Variants in INPP4B observed in about 807,000 individuals in gnomAD.
INPP4B encodes the protein inositol polyphosphate 4-phosphatase type II.
A neutral mutation model predicts 122.5 loss-of-function variants in INPP4B; 55 were observed. The observed-to-expected ratio is 0.45, with a 90% CI of 0.36 to 0.56. The LOEUF is 0.56. Ranked by LOEUF, INPP4B falls within the 20% of genes least tolerant of loss-of-function variation. The probability of loss-of-function intolerance (pLI) is 0.00; values close to 1 mark genes in which losing one functional copy is unlikely to be tolerated. For synonymous variants in INPP4B, 403 were observed against 388.7 expected (o/e 1.04, Z -0.43); for missense variants, 1,000 against 1,097.7 (o/e 0.91, Z 1.26).
chr4:142,616,554 C>G (rs1203074571), intron 2 of INPP4B, among the ~76,000 whole-genome samples: 1 of 152,122 alleles, frequency 6.6e-6, no homozygotes, highest in South Asian at 2.1e-4. Flanking sequence ...CCCAACACTT[C>G]TAAATTTTAG....
chr4:142,584,801 G>A (rs1414141512), intron 2 of INPP4B, among the ~76,000 whole-genome samples: 1 of 152,056 alleles, frequency 6.6e-6, no homozygotes, highest in African/African-American at 2.4e-5. Flanking sequence ...TTAAGAGTGG[G>A]AGTTATGTTC....
intron 2 of INPP4B, among the ~76,000 whole-genome samples, chr4:142,585,314 A>C (rs1174683213): frequency 6.6e-6 from 1 of 152,108 alleles, no homozygotes; most frequent in African/African-American, 2.4e-5. Flanking sequence ...TTGGCTGTCA[A>C]ATGCTCACTT....
intron 9 of INPP4B, among the ~76,000 whole-genome samples, chr4:142,299,213 T>C (rs1019279840): frequency 6.6e-6 from 1 of 150,416 alleles, no homozygotes; most frequent in African/African-American, 2.5e-5. Context: ...GGCTGGAGTA[T>C]AGTAGTACGA....
At chr4:142,811,837 C>A (rs1779553086) in intron 1 of INPP4B, among the ~76,000 whole-genome samples, 1 of 152,086 alleles carries the variant, frequency 6.6e-6, no homozygotes, top group Non-Finnish European at 1.5e-5. Context: ...TGTTTGCTTA[C>A]CAATATATCC....
chr4:142,781,953 C>T (rs1174704337), intron 1 of INPP4B, among the ~76,000 whole-genome samples: 3 of 151,372 alleles, frequency 2.0e-5, no homozygotes, highest in South Asian at 2.1e-4. Context: ...TTTTGTCTTG[C>T]TAACCTTTTA....
chr4:142,099,882 C>T (rs1783717414), intron 23 of INPP4B, among the ~76,000 whole-genome samples: 1 of 152,110 alleles, frequency 6.6e-6, no homozygotes, highest in Non-Finnish European at 1.5e-5. Context: ...GTCCAGAGTA[C>T]AATGCAGTGC....
chr4:142,511,787 T>C (rs1484907725), intron 2 of INPP4B, among the ~76,000 whole-genome samples: 3 of 152,280 alleles, frequency 2.0e-5, no homozygotes, highest in Admixed American at 6.5e-5. Flanking sequence ...ATTACCACTA[T>C]AGGATAGAGT....
chr4:142,206,141 C>A (rs771115918), intron 14 of INPP4B, among the ~76,000 whole-genome samples: 2 of 152,082 alleles, frequency 1.3e-5, no homozygotes, highest in Non-Finnish European at 2.9e-5. Context: ...GGCAAAAGAG[C>A]TAAAGAGGGT....
At chr4:142,135,107 T>C (rs963816037) in intron 18 of INPP4B, among the ~76,000 whole-genome samples, 1 of 152,214 alleles carries the variant, frequency 6.6e-6, no homozygotes, top group African/African-American at 2.4e-5. Context: ...TATTCACTTA[T>C]TAATATCAAG....
intron 1 of INPP4B, among the ~76,000 whole-genome samples, chr4:142,764,089 CAA>C (rs1400273519): frequency 6.6e-6 from 1 of 151,942 alleles, no homozygotes; most frequent in Non-Finnish European, 1.5e-5. Context: ...TTCTTTTCTC[CAA>C]AAAGTTTCAT....
At chr4:142,266,804 G>A (rs929141782) in intron 10 of INPP4B, among the ~76,000 whole-genome samples, 2 of 151,914 alleles carry the variant, frequency 1.3e-5, no homozygotes, top group African/African-American at 2.4e-5. Flanking sequence ...GATCTTTTAT[G>A]TAGAAAACCC....
At chr4:142,263,398 T>A (rs1460523469) in intron 10 of INPP4B, among the ~76,000 whole-genome samples, 1 of 152,040 alleles carries the variant, frequency 6.6e-6, no homozygotes, top group Non-Finnish European at 1.5e-5. Context: ...CTACATGCCA[T>A]CTTATTTATT....
At chr4:142,182,516 C>T (rs1831299515) in intron 15 of INPP4B, among the ~76,000 whole-genome samples, 1 of 138,368 alleles carries the variant, frequency 7.2e-6, no homozygotes, top group Non-Finnish European at 1.5e-5. Context: ...CCGCTGCACT[C>T]CAGCCTGGTG....
chr4:142,798,932 G>A (rs1156322196), intron 1 of INPP4B, among the ~76,000 whole-genome samples: 1 of 151,574 alleles, frequency 6.6e-6, no homozygotes, highest in Non-Finnish European at 1.5e-5. Context: ...ATGGTGTGAT[G>A]GTTAAAGTGT....
intron 22 of INPP4B, 57 bp downstream of exon 22, chr4:142,112,485 A>G (rs1790714479): frequency 7.6e-6 from 12 of 1,582,400 alleles, no homozygotes; most frequent in Non-Finnish European, 1.0e-5. Flanking sequence ...ACTTCTCATC[A>G]TATGCTTAAA....
intron 7 of INPP4B, among the ~76,000 whole-genome samples, chr4:142,347,108 A>G (rs1265319454): frequency 1.3e-5 from 2 of 152,096 alleles, no homozygotes; most frequent in Non-Finnish European, 2.9e-5. Context: ...CTTTAAAATG[A>G]TAAGAAAAAG....
At chr4:142,197,850 G>A (rs1838993943) in intron 14 of INPP4B, among the ~76,000 whole-genome samples, 1 of 152,052 alleles carries the variant, frequency 6.6e-6, no homozygotes, top group Non-Finnish European at 1.5e-5. Flanking sequence ...ATTAAATAAT[G>A]TGTCTAGTCT....
At chr4:142,403,105 T>C (rs1259330728) in intron 6 of INPP4B, 51 bp from the exon 7 acceptor site, 1 of 966,170 alleles carries the variant, frequency 1.0e-6, no homozygotes, top group South Asian at 1.3e-5. Flanking sequence ...GCAACTGTAG[T>C]TGGCAGCACG....
At chr4:142,402,882 A>G in intron 7 of INPP4B, 56 bp downstream of exon 7, 1 of 877,734 alleles carries the variant, frequency 1.1e-6, no homozygotes, top group Non-Finnish European at 2.0e-6. Flanking sequence ...AAAAAATCCA[A>G]TCGTGTGGAA....
Sources: allele counts gnomAD v4.1 joint callset (sites outside exome capture counted in the v4.1 genomes callset), GRCh38; gene constraint gnomAD v4.1.1; transcripts MANE v1.5; gene names NCBI Gene and HGNC (gene_info 2026-07-23, HGNC 2026-07-21).